The following ERC1 variants were observed in gnomAD, a reference collection of about 807,000 sequenced individuals.
ERC1 encodes RAB6 interacting protein 2.
ERC1 carries 56 observed loss-of-function variants against 132.0 expected under a neutral mutation model. That is an observed-to-expected ratio of 0.42 (90% CI 0.34 to 0.53). The LOEUF (loss-of-function observed/expected upper bound fraction) is 0.53, where lower values mean the gene tolerates loss of function less well. Ranked by LOEUF, ERC1 falls within the 20% of genes least tolerant of loss-of-function variation. The pLI is 0.03. For missense variants in ERC1, 1,202 were observed against 1,349.9 expected (o/e 0.89, Z 1.72); for synonymous variants, 478 against 476.1 (o/e 1.00, Z -0.05).
At chr12:1,486,714 C>T (rs7299381) in intron 18 of ERC1, among the ~76,000 whole-genome samples, 6,426 of 152,208 alleles carry the variant, frequency 0.042, 444 homozygotes, top group African/African-American at 0.15. Context: ...CGTGAGCCAC[C>T]GCACCCGGCT....
chr12:1,184,317 G>GT (rs61324516), intron 11 of ERC1, among the ~76,000 whole-genome samples: 15,765 of 151,576 alleles, frequency 0.1, 1,181 homozygotes, highest in African/African-American at 0.19. Context: ...TTGTCAGAAA[G>GT]TTTTTTTTAT....
intron 7 of ERC1, among the ~76,000 whole-genome samples, chr12:1,131,884 G>C (rs938194087): frequency 6.6e-6 from 1 of 152,148 alleles, no homozygotes; most frequent in Non-Finnish European, 1.5e-5. Flanking sequence ...ATTGAAGTTG[G>C]CATGACCTGT....
At chr12:1,288,929 C>T (rs566266908) in intron 14 of ERC1, among the ~76,000 whole-genome samples, 152 of 151,858 alleles carry the variant, frequency 1.0e-3, no homozygotes, top group Non-Finnish European at 1.7e-3. Flanking sequence ...AAGTACTTAC[C>T]TTGCTCTCTT....
intron 17 of ERC1, among the ~76,000 whole-genome samples, chr12:1,417,614 C>G (rs2092180714): frequency 6.6e-6 from 1 of 151,924 alleles, no homozygotes; most frequent in Non-Finnish European, 1.5e-5. Context: ...AATCCTGTCT[C>G]TACTAAAAAT....
chr12:1,393,481 C>T (rs2090153027), intron 16 of ERC1, among the ~76,000 whole-genome samples: 1 of 152,136 alleles, frequency 6.6e-6, no homozygotes, highest in African/African-American at 2.4e-5. Flanking sequence ...CTGCAGTGAG[C>T]TATGATTGTG....
chr12:1,033,675 G>C (rs1183410494), intron 2 of ERC1, among the ~76,000 whole-genome samples: 1 of 151,620 alleles, frequency 6.6e-6, no homozygotes, highest in African/African-American at 2.4e-5. Context: ...TCTGTCGCCA[G>C]CTGGAGTGCA....
At position 1,493,557 on chromosome 12, in the gene ERC1, A is replaced by G. The variant is rs1270046425; in HGVS notation, c.*3327A>G. 1 of 108,296 alleles carries G rather than the reference A, an allele frequency of 9.2e-6. No homozygotes were observed. Among genetic ancestry groups the G allele is most frequent in the Non-Finnish European group, 2.0e-5 (1 of 51,086 alleles). The allele number at this position is 108,296 out of a possible 1,614,324, so 6.7% of individuals were successfully genotyped here. A position where few individuals can be genotyped will look rare whatever the true frequency, so the allele number is the denominator to read the frequency against. On this transcript the variant is annotated 3_prime_UTR_variant, in exon 19 of 19. Transcript: ENST00000360905. Reference sequence around the variant, plus strand: ...AAAAAAAAAAAAAAAAAATATATATATATATATATATATATATATATGGAT... The same window carrying G: ...AAAAAAAAAAAAAAAAAATATATATGTATATATATATATATATATATGGAT...
intron 14 of ERC1, among the ~76,000 whole-genome samples, chr12:1,274,054 C>T (rs1192761686): frequency 2.6e-5 from 4 of 152,130 alleles, no homozygotes; most frequent in East Asian, 1.9e-4. Flanking sequence ...CTTCCACATT[C>T]GTGTGGTAGC....
chr12:1,018,238 G>C (rs1029602644), intron 1 of ERC1, among the ~76,000 whole-genome samples: 1 of 152,130 alleles, frequency 6.6e-6, no homozygotes, highest in Admixed American at 6.6e-5. Context: ...GTCTCACTCT[G>C]TTGCCCAGGC....
At position 1,440,733 on chromosome 12, in the gene ERC1, C is replaced by T. The variant is rs575705897; in HGVS notation, c.3025-3829C>T. ...TGTGATCTCAGCTCACTGCAACCTC[C>T]ACCTCCCAGGTTCAAGCAATTCTTA... is the stretch of plus-strand genomic sequence containing the variant. On this transcript the variant is annotated intron_variant, in intron 17 of 18. Coordinates refer to ENST00000360905, the MANE Select transcript of ERC1 (RefSeq NM_178040.4). Among the ~76,000 whole-genome samples, 3 of 150,346 alleles carry T rather than the reference C, an allele frequency of 2.0e-5. No individual in the cohort carries two copies. In the East Asian group the frequency reaches 5.9e-4, roughly 30 times the overall value.
chr12:1,324,261 T>A (rs773438600), intron 15 of ERC1, among the ~76,000 whole-genome samples: 1 of 152,166 alleles, frequency 6.6e-6, no homozygotes, highest in Non-Finnish European at 1.5e-5. Flanking sequence ...CTCTCGTCAT[T>A]GGCAGCTGAC....
At chr12:1,409,883 A>G (rs1003648547) in intron 17 of ERC1, among the ~76,000 whole-genome samples, 2 of 151,862 alleles carry the variant, frequency 1.3e-5, no homozygotes, top group Admixed American at 6.6e-5. Flanking sequence ...TAATGTTTGT[A>G]TTTTAGTTAG....
chr12:1,369,066 AT>A (rs2086932206), intron 15 of ERC1, among the ~76,000 whole-genome samples: 1 of 152,334 alleles, frequency 6.6e-6, no homozygotes, highest in Non-Finnish European at 1.5e-5. Context: ...AGTAAAAAAA[AT>A]AGCATCAATG....
chr12:1,185,731 GT>G (rs72127045), intron 11 of ERC1, among the ~76,000 whole-genome samples: 6,550 of 127,544 alleles, frequency 0.051, 437 homozygotes, highest in African/African-American at 0.19. Context: ...ACTCTAGGTT[GT>G]TTTTTTTTTT....
chr12:1,444,526 C>CATTTT (rs747905438), intron 17 of ERC1, 36 bp from the exon 18 acceptor site: 52 of 1,436,828 alleles, frequency 3.6e-5, no homozygotes, highest in South Asian at 1.4e-4. Flanking sequence ...TGACTTTCCT[C>CATTTT]ATTTTATTTT....
rs200080469 is a variant in ERC1 at position 1,187,438 on chromosome 12, AT to A, written c.2158-2412del. Among the ~76,000 whole-genome samples the A allele has an allele frequency of 2.6e-3, 386 of 148,174 alleles. 5 individuals are homozygous for A. The highest frequency in any genetic ancestry group is 7.6e-4 in the Non-Finnish European group (51 of 66,692). On this transcript the variant is annotated intron_variant, in intron 11 of 18. Coordinates refer to ENST00000360905, the MANE Select transcript of ERC1 (RefSeq NM_178040.4). ...TTATTATCTTTATCATTATTATTTT[AT>A]TTTTTTTTGTAGAGGCGAGGTCCCA...
chr12:1,183,718 T>A (rs1214923440), intron 11 of ERC1, among the ~76,000 whole-genome samples: 4 of 152,158 alleles, frequency 2.6e-5, no homozygotes, highest in Non-Finnish European at 5.9e-5. Context: ...TTTTCTCCCA[T>A]TAGAATCAGA....
intron 15 of ERC1, among the ~76,000 whole-genome samples, chr12:1,366,358 A>G (rs1167245046): frequency 6.6e-6 from 1 of 152,256 alleles, no homozygotes; most frequent in Non-Finnish European, 1.5e-5. Flanking sequence ...ATCAAAAAAC[A>G]TTTACAGAGC....
At chr12:1,472,407 G>A (rs559462917) in intron 18 of ERC1, among the ~76,000 whole-genome samples, 1 of 152,302 alleles carries the variant, frequency 6.6e-6, no homozygotes, top group South Asian at 2.1e-4. Flanking sequence ...CCAGCACTTT[G>A]GGAAGCCAAG....
Sources: gnomAD v4.1 joint callset for allele counts (sites outside exome capture counted in the v4.1 genomes callset) on GRCh38, gnomAD v4.1.1 for gene constraint, MANE v1.5 for transcripts, NCBI Gene and HGNC (gene_info 2026-07-23, HGNC 2026-07-21) for gene names.